ELP4: variants seen among roughly 807,000 people sequenced by gnomAD.
ELP4 encodes the protein elongator complex protein 4.
A neutral mutation model predicts 48.9 loss-of-function variants in ELP4; 51 were observed. The ratio of observed to expected loss-of-function variants is 1.04; its 90% CI spans 0.83 to 1.32. The LOEUF is 1.32. ELP4 is among the 40% of genes most tolerant of loss of function. The pLI is 0.00. For missense variants in ELP4, 519 were observed against 514.6 expected (o/e 1.01, Z -0.08); for synonymous variants, 210 against 189.2 (o/e 1.11, Z -0.90).
At position 31,532,669 on chromosome 11, in the gene ELP4, A is replaced by G. The variant is rs573227969; in HGVS notation, c.260-6993A>G. On this transcript the variant is annotated intron_variant, in intron 2 of 9. Coordinates refer to ENST00000640961, the MANE Select transcript of ELP4 (RefSeq NM_019040.5). ...TAAATAGTTTAGGTTTCTTTCTCTC[A>G]TTACTAAAAAGTTGTTAAACAACAG... Among the ~76,000 whole-genome samples the G allele has an allele frequency of 4.0e-5, 6 of 151,782 alleles. No individual in the cohort carries two copies. In the East Asian group the frequency reaches 1.2e-3, roughly 29 times the overall value.
chr11:31,588,185 CTTT>C (rs1957510281), intron 3 of ELP4, among the ~76,000 whole-genome samples: 1 of 151,892 alleles, frequency 6.6e-6, no homozygotes, highest in African/African-American at 2.4e-5. Flanking sequence ...CAATCTTATT[CTTT>C]TTAATAATAT....
intron 9 of ELP4, among the ~76,000 whole-genome samples, chr11:31,771,702 G>A (rs993322149): frequency 3.9e-5 from 6 of 152,108 alleles, no homozygotes; most frequent in Non-Finnish European, 4.4e-5. Context: ...CTTAGTGGCC[G>A]GGCTCAGTGG....
Position 31,786,874 on chromosome 11 carries a change from C to A in ELP4, c.*3350C>A. The A allele has an allele frequency of 4.6e-6, 1 of 218,108 alleles. No individual in the cohort carries two copies. The highest frequency in any genetic ancestry group is 9.2e-6 in the Non-Finnish European group (1 of 108,652). The allele number at this position is 218,108 out of a possible 1,614,324, so 13.5% of individuals were successfully genotyped here. A position where few individuals can be genotyped will look rare whatever the true frequency, so the allele number is the denominator to read the frequency against. On this transcript the variant is annotated 3_prime_UTR_variant, in exon 10 of 10. Coordinates refer to ENST00000640961, the MANE Select transcript of ELP4 (RefSeq NM_019040.5). ...CTCTTATTCTATTCACCTGGTTTTC[C>A]CAAGTCAGTCAAGTTTGGAGAAAAA...
intron 3 of ELP4, among the ~76,000 whole-genome samples, chr11:31,553,725 A>ACACACACACAC (rs1362894921): frequency 1.4e-5 from 2 of 140,404 alleles, no homozygotes; most frequent in Admixed American, 7.1e-5. Flanking sequence ...TGCACACACA[A>ACACACACACAC]ACACACACAC....
At chr11:31,660,140 C>T (rs931187844) in intron 9 of ELP4, among the ~76,000 whole-genome samples, 1 of 152,132 alleles carries the variant, frequency 6.6e-6, no homozygotes, top group East Asian at 1.9e-4. Context: ...GCTTATCTTT[C>T]TGATCAATAG....
In ELP4 at chr11:31,659,723, C is replaced by G. The variant is rs532457116; in HGVS notation, c.1143+9502C>G. ...CCATTATAGGCTCAGTGCAGTGGCTCACACCTGTAATCTCAGCACTTTGGG... is the reference window on the plus strand; with the variant it reads ...CCATTATAGGCTCAGTGCAGTGGCTGACACCTGTAATCTCAGCACTTTGGG... On this transcript the variant is annotated intron_variant, in intron 9 of 9. Coordinates refer to ENST00000640961, the MANE Select transcript of ELP4 (RefSeq NM_019040.5). Among the ~76,000 whole-genome samples, 12 of 152,208 alleles carry G rather than the reference C, an allele frequency of 7.9e-5. No individual in the cohort carries two copies. The East Asian group carries it at 2.3e-3, about 29-fold the overall frequency.
intron 5 of ELP4, among the ~76,000 whole-genome samples, chr11:31,607,850 G>T: frequency 6.6e-6 from 1 of 152,074 alleles, no homozygotes; most frequent in East Asian, 1.9e-4. Flanking sequence ...AGAACCGCTC[G>T]GTCTTTTAGT....
chr11:31,522,657 A>T (rs1018757165), intron 2 of ELP4, among the ~76,000 whole-genome samples: 36 of 152,188 alleles, frequency 2.4e-4, no homozygotes, highest in African/African-American at 8.2e-4. Flanking sequence ...AATAAACTGT[A>T]AGATATAGAC....
intron 3 of ELP4, among the ~76,000 whole-genome samples, chr11:31,572,921 C>CTTG (rs1957211582): frequency 6.6e-6 from 1 of 152,098 alleles, no homozygotes; most frequent in Non-Finnish European, 1.5e-5. Flanking sequence ...AGGAGGATCA[C>CTTG]TTGAGCCCAG....
chr11:31,715,606 C>T (rs1946828311), intron 9 of ELP4, among the ~76,000 whole-genome samples: 2 of 152,180 alleles, frequency 1.3e-5, no homozygotes, highest in African/African-American at 4.8e-5. Context: ...AAGTATGAGA[C>T]ATAATCCCTG....
chr11:31,665,000 T>G (rs967727257), intron 9 of ELP4, among the ~76,000 whole-genome samples: 6 of 152,318 alleles, frequency 3.9e-5, no homozygotes, highest in African/African-American at 1.2e-4. Flanking sequence ...GTCACTTTTT[T>G]GCTTTGATTC....
At chr11:31,656,570 A>G (rs1190111525) in intron 9 of ELP4, among the ~76,000 whole-genome samples, 1 of 152,064 alleles carries the variant, frequency 6.6e-6, no homozygotes, top group Non-Finnish European at 1.5e-5. Context: ...TTAGGGTCTA[A>G]TATTTTTACA....
intron 3 of ELP4, among the ~76,000 whole-genome samples, chr11:31,558,717 A>T (rs1185512297): frequency 1.3e-5 from 2 of 152,164 alleles, no homozygotes; most frequent in Admixed American, 1.3e-4. Flanking sequence ...ATGAAATATC[A>T]GGTTTTCCAT....
intron 3 of ELP4, among the ~76,000 whole-genome samples, chr11:31,574,962 T>C (rs551481567): frequency 5.1e-4 from 77 of 152,296 alleles, no homozygotes; most frequent in African/African-American, 1.7e-3. Context: ...AGAAGAAGGC[T>C]TCAGACAATC....
At chr11:31,514,334 C>A (rs1468100487) in intron 1 of ELP4, among the ~76,000 whole-genome samples, 1 of 152,140 alleles carries the variant, frequency 6.6e-6, no homozygotes, top group Non-Finnish European at 1.5e-5. Flanking sequence ...TGGTGCACAC[C>A]TGTAGTCCCA....
chr11:31,786,131 C>T lies in ELP4; in HGVS notation c.*2607C>T, dbSNP rs894416899. ...TTCTCTTCCATTTATTCCTTATGTC[C>T]ACCTCCAGGATCTTTAAATACTAAC... is the stretch of plus-strand genomic sequence containing the variant. On this transcript the variant is annotated 3_prime_UTR_variant, in exon 10 of 10. Coordinates refer to ENST00000640961, the MANE Select transcript of ELP4 (RefSeq NM_019040.5). 12 of 202,122 alleles carry T rather than the reference C, an allele frequency of 5.9e-5. No individual in the cohort carries two copies. The highest frequency in any genetic ancestry group is 1.1e-4 in the Non-Finnish European group (11 of 98,330). The allele number at this position is 202,122 out of a possible 1,614,324, so 12.5% of individuals were successfully genotyped here. A position where few individuals can be genotyped will look rare whatever the true frequency, so the allele number is the denominator to read the frequency against.
At chr11:31,778,316 T>A (rs1948291770) in intron 9 of ELP4, among the ~76,000 whole-genome samples, 2 of 152,190 alleles carry the variant, frequency 1.3e-5, no homozygotes, top group South Asian at 4.1e-4. Context: ...GGGACTGCAG[T>A]TGCACTTTGC....
At chr11:31,671,516 T>G (rs1419263789) in intron 9 of ELP4, among the ~76,000 whole-genome samples, 3 of 152,178 alleles carry the variant, frequency 2.0e-5, no homozygotes, top group African/African-American at 7.2e-5. Context: ...TATAGATAAA[T>G]AGCTTACTAA....
rs530553237 is a variant in ELP4 at position 31,549,015 on chromosome 11, C to A, written c.381+9232C>A. 6.9e-3 allele frequency among the ~76,000 whole-genome samples: 1,053 copies of A among 152,182 alleles called. 7 individuals are homozygous for A. Among genetic ancestry groups the A allele is most frequent in the Middle Eastern group, 0.034 (10 of 294 alleles). On this transcript the variant is annotated intron_variant, in intron 3 of 9. Transcript: ENST00000640961. Reference sequence around the variant, plus strand: ...ATGGATTAAAGACTTAAACGTTAGACCTAAAACCATAAAAACCCTAGAAGA... The same window carrying A: ...ATGGATTAAAGACTTAAACGTTAGAACTAAAACCATAAAAACCCTAGAAGA...
Sources: gnomAD v4.1 joint callset for allele counts (sites outside exome capture counted in the v4.1 genomes callset) on GRCh38, gnomAD v4.1.1 for gene constraint, MANE v1.5 for transcripts, NCBI Gene and HGNC (gene_info 2026-07-23, HGNC 2026-07-21) for gene names.